SPATS2: variants seen among roughly 807,000 people sequenced by gnomAD.
The protein encoded by SPATS2 is spermatogenesis associated serine rich 2.
Under a neutral mutation model 63.7 loss-of-function variants are expected in SPATS2, and 38 were observed. That is an observed-to-expected ratio of 0.60 (90% confidence interval 0.46 to 0.78). The LOEUF is 0.78. Ranked by LOEUF, SPATS2 falls within the 30% of genes least tolerant of loss-of-function variation. The pLI is 0.00. For missense variants in SPATS2, 588 were observed against 666.2 expected, an observed-to-expected ratio of 0.88 and a Z score of 1.29; for synonymous variants, 207 against 232.9, an observed-to-expected ratio of 0.89 and a Z score of 1.01.
At chr12:49,442,562 CT>C in intron 2 of SPATS2, 1 of 156,706 alleles carries the variant, frequency 6.4e-6, no homozygotes. Flanking sequence ...TTTGTTTGTG[CT>C]TTTTTGTCTG....
chr12:49,522,743 TTC>T lies in SPATS2; in HGVS notation c.1009-5_1009-4del. On this transcript the variant is annotated splice_polypyrimidine_tract_variant and splice_region_variant and intron_variant, in intron 11 of 13. Transcript: ENST00000552918. ...TAACCTGGAGGCCTTTCTTTGTCCT[TTC>T]TCCAGCACTTTGTTAGTGAACGTAA... The T allele has an allele frequency of 6.2e-7, 1 of 1,612,578 alleles. No homozygotes were observed. Among genetic ancestry groups the T allele is most frequent in the Non-Finnish European group, 8.5e-7 (1 of 1,178,956 alleles).
At chr12:49,389,757 C>T in intron 2 of SPATS2, 4 of 1,470,166 alleles carry the variant, frequency 2.7e-6, no homozygotes, top group Non-Finnish European at 3.8e-6. Context: ...AGAATTGCAA[C>T]AAGAAAGAAA....
At chr12:49,441,143 T>G (rs142455877) in intron 2 of SPATS2, among the ~76,000 whole-genome samples, 2 of 152,330 alleles carry the variant, frequency 1.3e-5, no homozygotes, top group East Asian at 3.9e-4. Context: ...ATCATCGTTT[T>G]CTAATTGGGC....
intron 8 of SPATS2, among the ~76,000 whole-genome samples, chr12:49,498,237 T>G (rs1946502907): frequency 6.7e-6 from 1 of 150,126 alleles, no homozygotes; most frequent in African/African-American, 2.5e-5. Context: ...GAGGAAGAAT[T>G]TAAATAAAAA....
intron 13 of SPATS2, among the ~76,000 whole-genome samples, chr12:49,525,379 A>G (rs374048556): frequency 6.6e-6 from 1 of 152,310 alleles, no homozygotes; most frequent in East Asian, 1.9e-4. Flanking sequence ...CACAAGAGCA[A>G]TCCAAGGCAG....
At chr12:49,472,677 T>A (rs1592433425) in intron 3 of SPATS2, among the ~76,000 whole-genome samples, 1 of 148,898 alleles carries the variant, frequency 6.7e-6, no homozygotes, top group African/African-American at 2.4e-5. Flanking sequence ...TAGAAGCAAG[T>A]GAAATGCAAA....
chr12:49,368,200 A>G (rs941586149), intron 1 of SPATS2, among the ~76,000 whole-genome samples: 7 of 152,212 alleles, frequency 4.6e-5, no homozygotes, highest in African/African-American at 1.7e-4. Context: ...ATCCAGAATG[A>G]TTAGGTTCTT....
intron 1 of SPATS2, among the ~76,000 whole-genome samples, chr12:49,369,053 T>TTGGGGG (rs1943953592): frequency 8.1e-6 from 1 of 123,050 alleles, no homozygotes; most frequent in Admixed American, 7.9e-5. Flanking sequence ...TTTTTTTTTT[T>TTGGGGG]GAGATGGAGT....
chr12:49,416,731 C>T (rs1944896386), intron 2 of SPATS2, among the ~76,000 whole-genome samples: 1 of 152,092 alleles, frequency 6.6e-6, no homozygotes, highest in Admixed American at 6.6e-5. Flanking sequence ...ATGATTTGCC[C>T]ACCTCAGCTT....
intron 2 of SPATS2, among the ~76,000 whole-genome samples, chr12:49,429,746 G>C (rs1396432397): frequency 7.2e-6 from 1 of 139,066 alleles, no homozygotes; most frequent in Admixed American, 7.3e-5. Context: ...ATGAGCCACT[G>C]TGCCTGGCCT....
At chr12:49,463,573 G>A (rs1405775919) in intron 3 of SPATS2, 14 of 152,150 alleles carry the variant, frequency 9.2e-5, no homozygotes, top group Non-Finnish European at 2.1e-4. Flanking sequence ...TCATTTGCAT[G>A]TCTGATATTT....
intron 2 of SPATS2, among the ~76,000 whole-genome samples, chr12:49,380,878 A>ATTCT (rs1271877117): frequency 6.7e-6 from 1 of 149,342 alleles, no homozygotes; most frequent in Non-Finnish European, 1.5e-5. Flanking sequence ...TCATATAGTA[A>ATTCT]TTCTTTTTTT....
chr12:49,438,298 T>C (rs977280530), intron 2 of SPATS2, among the ~76,000 whole-genome samples: 2 of 152,210 alleles, frequency 1.3e-5, no homozygotes, highest in Non-Finnish European at 2.9e-5. Flanking sequence ...TTTTTCAGTG[T>C]TTCTTTTTTA....
intron 2 of SPATS2, among the ~76,000 whole-genome samples, chr12:49,423,421 C>T (rs1170754772): frequency 2.0e-5 from 3 of 152,110 alleles, no homozygotes; most frequent in South Asian, 2.1e-4. Flanking sequence ...CGTGAGCCAC[C>T]GCGCCTGGCC....
At chr12:49,491,496 CT>C (rs1370491998) in intron 6 of SPATS2, among the ~76,000 whole-genome samples, 1 of 152,056 alleles carries the variant, frequency 6.6e-6, no homozygotes, top group Non-Finnish European at 1.5e-5. Context: ...GGGAGGATCA[CT>C]TGCGCCCAGG....
chr12:49,496,718 C>G (rs1429713264), intron 7 of SPATS2, 115 bp from the exon 8 acceptor site: 1 of 1,033,710 alleles, frequency 9.7e-7, no homozygotes, highest in South Asian at 1.6e-5. Flanking sequence ...TGTTTACAGT[C>G]TTTTAAGAGG....
At chr12:49,384,811 T>G (rs952590327) in intron 2 of SPATS2, among the ~76,000 whole-genome samples, 41 of 150,298 alleles carry the variant, frequency 2.7e-4, no homozygotes, top group African/African-American at 9.4e-4. Context: ...CAAAAATCTT[T>G]CATTTTTTTT....
intron 2 of SPATS2, chr12:49,441,833 C>T (rs1034850951): frequency 1.3e-5 from 2 of 152,090 alleles, no homozygotes; most frequent in African/African-American, 2.4e-5. Flanking sequence ...CTTACCAATT[C>T]ACAACTTAAT....
At chr12:49,497,242 A>G (rs982752633) in intron 8 of SPATS2, among the ~76,000 whole-genome samples, 3 of 152,170 alleles carry the variant, frequency 2.0e-5, no homozygotes, top group African/African-American at 7.2e-5. Flanking sequence ...CGTTTTGTGA[A>G]TTAAAGTCAA....
Sources: gnomAD v4.1 joint callset for allele counts (sites outside exome capture counted in the v4.1 genomes callset) on GRCh38, gnomAD v4.1.1 for gene constraint, MANE v1.5 for transcripts, NCBI Gene and HGNC (gene_info 2026-07-23, HGNC 2026-07-21) for gene names.